Variants in LRRC4C observed in about 807,000 individuals in gnomAD.
LRRC4C encodes leucine-rich repeat-containing protein 4C.
In LRRC4C, 5 loss-of-function variants were observed where a neutral mutation model predicts 33.6. The ratio of observed to expected loss-of-function variants is 0.15; its 90% confidence interval spans 0.08 to 0.31. The LOEUF (loss-of-function observed/expected upper bound fraction) is 0.31, where lower values mean the gene tolerates loss of function less well. Among genes scored for constraint, LRRC4C ranks in the 10% least tolerant of loss-of-function variants. The pLI is 1.00. For missense variants in LRRC4C, 560 were observed against 796.7 expected (o/e 0.70, Z 3.58); for synonymous variants, 329 against 302.0 (o/e 1.09, Z -0.93).
chr11:40,254,269 C>T (rs1055272633), intron 4 of LRRC4C, among the ~76,000 whole-genome samples: 3 of 152,172 alleles, frequency 2.0e-5, no homozygotes, highest in African/African-American at 7.2e-5. Context: ...GCCATTCACA[C>T]TTTAATTAAA....
intron 1 of LRRC4C, among the ~76,000 whole-genome samples, chr11:41,169,384 G>C (rs1944869583): frequency 6.6e-6 from 1 of 152,038 alleles, no homozygotes; most frequent in Non-Finnish European, 1.5e-5. Context: ...CAATCCACAG[G>C]AGCCCACTGG....
intron 3 of LRRC4C, among the ~76,000 whole-genome samples, chr11:40,453,491 TA>T (rs1951988061): frequency 1.3e-5 from 2 of 151,992 alleles, no homozygotes; most frequent in African/African-American, 4.8e-5. Context: ...TACCAATTCT[TA>T]TGTATTAATA....
chr11:40,466,444 A>C (rs1952656531), intron 3 of LRRC4C, among the ~76,000 whole-genome samples: 1 of 152,028 alleles, frequency 6.6e-6, no homozygotes, highest in Admixed American at 6.6e-5. Flanking sequence ...TTTTTCTAAA[A>C]AGAAAAATTA....
rs544955472 is a variant in LRRC4C, at chr11:40,334,678, G to A, written c.-269-14957C>T. 3.9e-5 allele frequency among the ~76,000 whole-genome samples: 6 copies of A among 152,188 alleles called. No individual in the cohort carries two copies. The South Asian group carries it at 1.2e-3, about 32-fold the overall frequency. ...TAAATATATACATACATATGCATAT[G>A]CATACATAAATATGCAAGCCATCCA... On this transcript the variant is annotated intron_variant, in intron 3 of 6. Transcript: ENST00000528697.
intron 1 of LRRC4C, among the ~76,000 whole-genome samples, chr11:41,293,879 G>A (rs899600075): frequency 3.3e-5 from 5 of 152,244 alleles, no homozygotes; most frequent in African/African-American, 7.2e-5. Flanking sequence ...TTACAGGTGT[G>A]AGCCACCTCG....
intron 2 of LRRC4C, among the ~76,000 whole-genome samples, chr11:40,711,868 T>C (rs1453809788): frequency 2.0e-5 from 3 of 152,230 alleles, no homozygotes; most frequent in African/African-American, 7.2e-5. Flanking sequence ...AAGCCTAAGA[T>C]AGAATAACAA....
chr11:40,462,800 G>A (rs182046425), intron 3 of LRRC4C, among the ~76,000 whole-genome samples: 2 of 152,070 alleles, frequency 1.3e-5, no homozygotes, highest in East Asian at 1.9e-4. Flanking sequence ...GAACCAAAGA[G>A]CAGATTCATC....
At chr11:40,364,286 C>CA (rs912000101) in intron 3 of LRRC4C, among the ~76,000 whole-genome samples, 15 of 151,370 alleles carry the variant, frequency 9.9e-5, no homozygotes, top group Non-Finnish European at 1.6e-4. Flanking sequence ...TGACCTAGAC[C>CA]AAAAAAAATT....
In LRRC4C at chr11:40,199,957, A is replaced by T. The variant is rs7106166; in HGVS notation, c.-96+41562T>A. 4.0e-5 allele frequency among the ~76,000 whole-genome samples: 6 copies of T among 151,792 alleles called. No homozygotes were observed. The South Asian group carries it at 1.2e-3, about 32-fold the overall frequency. Reference sequence around the variant, plus strand: ...ATTGGTTCAAGGTCACATAGTTATAAATGCTGGAGAAAACTCGGAACTCAG... The same window carrying T: ...ATTGGTTCAAGGTCACATAGTTATATATGCTGGAGAAAACTCGGAACTCAG... On this transcript the variant is annotated intron_variant, in intron 5 of 6. Coordinates refer to ENST00000528697, the MANE Select transcript of LRRC4C (RefSeq NM_001258419.2).
intron 1 of LRRC4C, among the ~76,000 whole-genome samples, chr11:41,145,329 T>C (rs954366259): frequency 5.9e-5 from 9 of 152,174 alleles, no homozygotes; most frequent in Non-Finnish European, 1.0e-4. Flanking sequence ...ACATTTCTTA[T>C]TATGTTTTTT....
chr11:40,259,576 A>G (rs1286277711), intron 4 of LRRC4C, among the ~76,000 whole-genome samples: 6 of 151,996 alleles, frequency 3.9e-5, no homozygotes, highest in Non-Finnish European at 8.8e-5. Flanking sequence ...TCCATCTTGA[A>G]TTGATTTTTG....
intron 2 of LRRC4C, among the ~76,000 whole-genome samples, chr11:40,922,250 T>C (rs1957214998): frequency 6.6e-6 from 1 of 152,034 alleles, no homozygotes; most frequent in Admixed American, 6.6e-5. Flanking sequence ...AGAGGTGGAG[T>C]CCTATTTTCC....
At chr11:41,045,016 GT>G (rs1380357275) in intron 1 of LRRC4C, among the ~76,000 whole-genome samples, 2 of 151,976 alleles carry the variant, frequency 1.3e-5, no homozygotes, top group Admixed American at 6.6e-5. Flanking sequence ...TTGAGCTCTT[GT>G]TGAATGCTTC....
chr11:40,333,230 T>C (rs1489026233), intron 3 of LRRC4C, among the ~76,000 whole-genome samples: 1 of 152,190 alleles, frequency 6.6e-6, no homozygotes, highest in East Asian at 1.9e-4. Flanking sequence ...TATTAGTGGG[T>C]ATGTGGAATT....
intron 2 of LRRC4C, among the ~76,000 whole-genome samples, chr11:40,667,491 T>G (rs540588697): frequency 6.6e-6 from 1 of 152,302 alleles, no homozygotes; most frequent in African/African-American, 2.4e-5. Flanking sequence ...TTGTTTCTAG[T>G]CAAGGGAATA....
intron 3 of LRRC4C, among the ~76,000 whole-genome samples, chr11:40,433,548 G>A (rs1321376377): frequency 6.6e-6 from 1 of 151,800 alleles, no homozygotes; most frequent in Non-Finnish European, 1.5e-5. Flanking sequence ...GAAACTGAAA[G>A]GAAAAAAAAT....
chr11:41,110,980 T>C (rs1043910511), intron 1 of LRRC4C, among the ~76,000 whole-genome samples: 2 of 151,254 alleles, frequency 1.3e-5, no homozygotes, highest in African/African-American at 2.5e-5. Context: ...ACCCAAGAAT[T>C]TGCATTTCTA....
intron 1 of LRRC4C, among the ~76,000 whole-genome samples, chr11:40,987,630 G>GATAT (rs747152583): frequency 0.02 from 1,778 of 88,566 alleles, 89 homozygotes; most frequent in African/African-American, 0.049. Context: ...AGTGGGTAAT[G>GATAT]ATATATATAT....
At chr11:40,874,762 G>A (rs1168421112) in intron 2 of LRRC4C, among the ~76,000 whole-genome samples, 1 of 152,160 alleles carries the variant, frequency 6.6e-6, no homozygotes, top group Non-Finnish European at 1.5e-5. Flanking sequence ...TTTGCAATGA[G>A]GCCAGGGTGT....
Sources: gnomAD v4.1 joint callset for allele counts (sites outside exome capture counted in the v4.1 genomes callset) on GRCh38, gnomAD v4.1.1 for gene constraint, MANE v1.5 for transcripts, NCBI Gene and HGNC (gene_info 2026-07-23, HGNC 2026-07-21) for gene names.